Variants in SMYD3 observed in about 807,000 individuals in gnomAD.
SMYD3 encodes the protein SET and MYND domain containing 3, also known as histone-lysine N-methyltransferase SMYD3.
SMYD3 carries 36 observed loss-of-function variants against 57.7 expected under a neutral mutation model. The ratio of observed to expected loss-of-function variants is 0.62; its 90% CI spans 0.48 to 0.82. The LOEUF is 0.82. SMYD3 is among the 40% of genes least tolerant of loss of function. SMYD3 has a pLI of 0.00. For missense variants in SMYD3, 515 were observed against 538.8 expected (o/e 0.96, Z 0.44); for synonymous variants, 211 against 195.0 (o/e 1.08, Z -0.68).
At chr1:246,246,510 T>C (rs966821455) in intron 5 of SMYD3, among the ~76,000 whole-genome samples, 1 of 152,186 alleles carries the variant, frequency 6.6e-6, no homozygotes, top group African/African-American at 2.4e-5. Context: ...TTATTTCAAG[T>C]GAGTAAAACT....
At chr1:245,919,252 A>C (rs2055682044) in intron 7 of SMYD3, among the ~76,000 whole-genome samples, 1 of 152,176 alleles carries the variant, frequency 6.6e-6, no homozygotes, top group African/African-American at 2.4e-5. Context: ...CCTTGAATAA[A>C]GGCACACAAG....
At chr1:246,397,087 A>G (rs1041155412) in intron 1 of SMYD3, among the ~76,000 whole-genome samples, 9 of 152,158 alleles carry the variant, frequency 5.9e-5, no homozygotes, top group Non-Finnish European at 1.2e-4. Context: ...CTGTTCATGG[A>G]CCACTGTCAG....
rs188902063 is a variant in SMYD3, at chr1:246,142,250, A to T, written c.531+184951T>A. On this transcript the variant is annotated intron_variant, in intron 5 of 11. Coordinates refer to ENST00000490107, the MANE Select transcript of SMYD3 (RefSeq NM_001167740.2). The stretch of plus-strand genomic sequence containing the variant: ...CTTAATTTATAAATTAGGCACAGAG[A>T]TTAACAAAAATAATTACTAATAAAA... Among the ~76,000 whole-genome samples, 11 of 152,294 alleles carry T rather than the reference A, an allele frequency of 7.2e-5. No individual in the cohort carries two copies. In the East Asian group the frequency reaches 1.7e-3, roughly 24 times the overall value.
At chr1:245,809,684 G>A (rs1399996514) in intron 10 of SMYD3, among the ~76,000 whole-genome samples, 1 of 152,204 alleles carries the variant, frequency 6.6e-6, no homozygotes, top group African/African-American at 2.4e-5. Context: ...CCTAGTGCGG[G>A]CACAATTGTG....
intron 5 of SMYD3, among the ~76,000 whole-genome samples, chr1:246,121,665 C>G (rs1420900707): frequency 6.6e-6 from 1 of 151,996 alleles, no homozygotes; most frequent in East Asian, 1.9e-4. Context: ...TCATACTGAA[C>G]CCGTCTAATG....
chr1:246,330,444 G>C, intron 4 of SMYD3, 36 bp downstream of exon 4: 1 of 1,503,300 alleles, frequency 6.7e-7, no homozygotes, highest in South Asian at 1.4e-5. Flanking sequence ...ACAAATTATA[G>C]AAACTTTTTT....
At chr1:245,944,793 A>C (rs1435838291) in intron 5 of SMYD3, among the ~76,000 whole-genome samples, 1 of 152,228 alleles carries the variant, frequency 6.6e-6, no homozygotes, top group Non-Finnish European at 1.5e-5. Flanking sequence ...AAAAACAGAC[A>C]TATAGACTAA....
At chr1:246,097,005 ACAACATAGACATG>A (rs1304380841) in intron 5 of SMYD3, among the ~76,000 whole-genome samples, 6 of 152,374 alleles carry the variant, frequency 3.9e-5, no homozygotes, top group African/African-American at 1.4e-4. Context: ...TAAGAAACTC[ACAACATAGACATG>A]CAATTTACAG....
At chr1:246,238,480 T>A (rs566337307) in intron 5 of SMYD3, among the ~76,000 whole-genome samples, 22 of 152,210 alleles carry the variant, frequency 1.4e-4, no homozygotes, top group Non-Finnish European at 2.6e-4. Context: ...TGGAGACAGA[T>A]AGTCAACAGG....
intron 1 of SMYD3, among the ~76,000 whole-genome samples, chr1:246,491,089 G>A (rs1388556919): frequency 1.3e-5 from 2 of 152,174 alleles, no homozygotes; most frequent in African/African-American, 4.8e-5. Flanking sequence ...AACTCATAAA[G>A]AGGATAAGAC....
intron 1 of SMYD3, among the ~76,000 whole-genome samples, chr1:246,413,169 A>C (rs1374679930): frequency 1.3e-5 from 2 of 152,180 alleles, no homozygotes; most frequent in Non-Finnish European, 2.9e-5. Flanking sequence ...TAAGTATCTC[A>C]TTTAGTCTTT....
chr1:246,075,494 C>A (rs528430366), intron 5 of SMYD3, among the ~76,000 whole-genome samples: 1 of 152,098 alleles, frequency 6.6e-6, no homozygotes, highest in Non-Finnish European at 1.5e-5. Context: ...AATCTAGAAT[C>A]CTCTATCCAG....
At chr1:246,211,439 G>A (rs12130070) in intron 5 of SMYD3, among the ~76,000 whole-genome samples, 40,366 of 151,752 alleles carry the variant, frequency 0.27, 6,096 homozygotes, top group East Asian at 0.58. Context: ...TCTTGGTCAT[G>A]TTCTTATTAA....
At chr1:246,168,088 TCA>T (rs2062253009) in intron 5 of SMYD3, among the ~76,000 whole-genome samples, 1 of 152,168 alleles carries the variant, frequency 6.6e-6, no homozygotes, top group South Asian at 2.1e-4. Flanking sequence ...TGCAACTTAG[TCA>T]CTATGAGACC....
chr1:246,369,180 T>C (rs2066153949), intron 1 of SMYD3, among the ~76,000 whole-genome samples: 1 of 152,212 alleles, frequency 6.6e-6, no homozygotes, highest in Non-Finnish European at 1.5e-5. Flanking sequence ...TCGGTAACTA[T>C]TACTCATTAT....
chr1:246,499,953 T>C (rs1246859310), intron 1 of SMYD3, among the ~76,000 whole-genome samples: 2 of 152,166 alleles, frequency 1.3e-5, no homozygotes, highest in Non-Finnish European at 2.9e-5. Flanking sequence ...ACCACTGGTC[T>C]ATAACACCAG....
At chr1:246,340,330 T>TA (rs1220792109) in intron 2 of SMYD3, among the ~76,000 whole-genome samples, 1 of 151,060 alleles carries the variant, frequency 6.6e-6, no homozygotes, top group Non-Finnish European at 1.5e-5. Context: ...CAGTCTAAAA[T>TA]ACATATATAG....
At chr1:245,822,818 A>G (rs1447040899) in intron 10 of SMYD3, among the ~76,000 whole-genome samples, 3 of 152,202 alleles carry the variant, frequency 2.0e-5, no homozygotes, top group African/African-American at 7.2e-5. Context: ...AGACATTTTT[A>G]CATGTGTTAT....
chr1:246,188,104 C>G (rs1315408306), intron 5 of SMYD3, among the ~76,000 whole-genome samples: 1 of 152,176 alleles, frequency 6.6e-6, no homozygotes, highest in Non-Finnish European at 1.5e-5. Context: ...GGACTGGACA[C>G]TCAGCCTCTG....
Sources: allele counts gnomAD v4.1 joint callset (sites outside exome capture counted in the v4.1 genomes callset), GRCh38; gene constraint gnomAD v4.1.1; transcripts MANE v1.5; gene names NCBI Gene and HGNC (gene_info 2026-07-23, HGNC 2026-07-21).